Variants in TSEN2 observed in about 807,000 individuals in gnomAD.
TSEN2 encodes tRNA-splicing endonuclease subunit Sen2.
A neutral mutation model predicts 59.2 loss-of-function variants in TSEN2; 54 were observed. That is an observed-to-expected ratio of 0.91 (90% CI 0.73 to 1.14). The LOEUF (loss-of-function observed/expected upper bound fraction) is 1.14, where lower values mean the gene tolerates loss of function less well. TSEN2 is among the 50% of genes most tolerant of loss of function. The pLI, the probability that TSEN2 is intolerant of heterozygous loss-of-function variation, is 0.00. For missense variants in TSEN2, 636 were observed against 576.2 expected, an observed-to-expected ratio of 1.10 and a Z score of -1.06; for synonymous variants, 195 against 198.2, an observed-to-expected ratio of 0.98 and a Z score of 0.14.
rs1559371160 is a variant in TSEN2, at chr3:12,533,003, T to C, written c.*282T>C. ...TTCCCTCATCCACTCACTGGGGAGA[T>C]TGGACTAGAGGAGTCCTGAGAGGAC... On this transcript the variant is annotated 3_prime_UTR_variant, in exon 12 of 12. Transcript: ENST00000284995. 2 of 528,594 alleles carry C rather than the reference T, an allele frequency of 3.8e-6. No individual in the cohort carries two copies. The highest frequency in any genetic ancestry group is 3.8e-5 in the African/African-American group (2 of 52,384). The allele number at this position is 528,594 out of a possible 1,614,324, so 32.7% of individuals were successfully genotyped here. A position where few individuals can be genotyped will look rare whatever the true frequency, so the allele number is the denominator to read the frequency against.
intron 3 of TSEN2, among the ~76,000 whole-genome samples, chr3:12,493,390 C>G (rs1282157765): frequency 1.3e-5 from 2 of 152,142 alleles, no homozygotes; most frequent in African/African-American, 4.8e-5. Context: ...CAGCAATGCA[C>G]CAAAGGTTCC....
At chr3:12,485,957 A>G (rs2052572692) in intron 1 of TSEN2, among the ~76,000 whole-genome samples, 1 of 151,930 alleles carries the variant, frequency 6.6e-6, no homozygotes, top group Non-Finnish European at 1.5e-5. Flanking sequence ...AAAAATATAT[A>G]TATATAACAA....
chr3:12,535,242 A>G (rs2057647538), downstream of TSEN2, among the ~76,000 whole-genome samples: 1 of 152,188 alleles, frequency 6.6e-6, no homozygotes, highest in Admixed American at 6.5e-5. Context: ...AATTTTTAAA[A>G]TCTCATTACA....
chr3:12,516,623 G>A lies in TSEN2; in HGVS notation c.922G>A (p.Val308Ile). The change falls in exon 7 of 12, where the codon GTC (valine) becomes ATC (isoleucine). Residue 308 changes from valine (V) to isoleucine (I), a missense_variant. Physicochemically the swap from Val to Ile is conservative, Grantham distance 29. Transcript: ENST00000284995. Reference sequence around the variant, plus strand: ...GCTGTATTTTCAGGCCTTTTTCTTGGTCTATGCTCTGGGATGTTTAAGTAT... The same window carrying A: ...GCTGTATTTTCAGGCCTTTTTCTTGATCTATGCTCTGGGATGTTTAAGTAT... The part of the protein sequence containing the change: ...QLSLEEAFFL[V>I]YALGCLSIYY... The A allele has an allele frequency of 6.2e-7, 1 of 1,613,822 alleles. No individual in the cohort carries two copies. Among genetic ancestry groups the A allele is most frequent in the Non-Finnish European group, 8.5e-7 (1 of 1,179,988 alleles).
rs765616873 is a variant in TSEN2, at chr3:12,503,348, A to C, written c.395A>C (p.Tyr132Ser). 32 of 1,614,142 alleles carry C rather than the reference A, an allele frequency of 2.0e-5. No homozygotes were observed. Among genetic ancestry groups the C allele is most frequent in the Non-Finnish European group, 4.2e-6 (5 of 1,180,052 alleles). Residue 132 changes from tyrosine to serine, a missense_variant, in exon 5 of 12, where the codon TAC becomes TCC. Transcript: ENST00000284995. ...ACAGTGCGCAGAATCCTCAAGGATT[A>C]CACGAAACCGCTTGAGCATCCTCCT... is the stretch of plus-strand genomic sequence containing the variant. Reference protein sequence around the residue: ...ESTVRRILKDYTKPLEHPPVK... With the variant: ...ESTVRRILKDSTKPLEHPPVK...
chr3:12,513,595 T>C (rs906252016), intron 6 of TSEN2, among the ~76,000 whole-genome samples: 2 of 152,232 alleles, frequency 1.3e-5, no homozygotes, highest in African/African-American at 4.8e-5. Flanking sequence ...TAGCTAACAA[T>C]GACAATTTGA....
intron 3 of TSEN2, among the ~76,000 whole-genome samples, 161 bp from the exon 4 acceptor site, chr3:12,496,357 G>A (rs1303056490): frequency 6.6e-6 from 1 of 152,228 alleles, no homozygotes; most frequent in African/African-American, 2.4e-5. Flanking sequence ...GTTCAGGGAA[G>A]GACGGCATAG....
At chr3:12,529,741 T>G in intron 9 of TSEN2, 21 bp from the exon 10 acceptor site, 1 of 1,607,914 alleles carries the variant, frequency 6.2e-7, no homozygotes, top group Non-Finnish European at 8.5e-7. Context: ...ACTTTTAACA[T>G]GCTTTTTCTG....
At position 12,489,906 on chromosome 3, in the gene TSEN2, GAATT is replaced by G. The variant is rs1238818833; in HGVS notation, c.107_110del (p.Glu36AlafsTer8). The G allele has an allele frequency of 1.2e-6, 2 of 1,614,024 alleles. No homozygotes were observed. Among genetic ancestry groups the G allele is most frequent in the Non-Finnish European group, 1.7e-6 (2 of 1,180,028 alleles). ...TGGTCAGGACCATGGTCCTCTGAAA[GAATT>G]CAAGATATTCCGTGCTGAAATGATT... On this transcript the variant is annotated frameshift_variant, in exon 2 of 12. Transcript: ENST00000284995. LOFTEE classifies it high-confidence loss of function.
At chr3:12,530,172 G>A in intron 10 of TSEN2, 1 of 1,236,018 alleles carries the variant, frequency 8.1e-7, no homozygotes. Context: ...CTTCCCAGGG[G>A]TATCGTTGCT....
chr3:12,517,949 C>A (rs540687913), intron 7 of TSEN2, among the ~76,000 whole-genome samples: 17 of 151,410 alleles, frequency 1.1e-4, no homozygotes, highest in Non-Finnish European at 1.9e-4. Context: ...AAAAAAAAAA[C>A]AACTCTAGTC....
chr3:12,508,669 A>G (rs919207258), intron 6 of TSEN2, among the ~76,000 whole-genome samples: 1 of 152,150 alleles, frequency 6.6e-6, no homozygotes, highest in Admixed American at 6.5e-5. Context: ...GGGTGTTTTC[A>G]TGCCTTTGCC....
At chr3:12,530,003 G>A (rs2057361423) in intron 10 of TSEN2, 130 bp downstream of exon 10, 2 of 1,494,380 alleles carry the variant, frequency 1.3e-6, no homozygotes. Context: ...TGACATGCTG[G>A]AAGATTTGGG....
At chr3:12,488,973 T>A (rs2052932736) in intron 1 of TSEN2, among the ~76,000 whole-genome samples, 1 of 152,266 alleles carries the variant, frequency 6.6e-6, no homozygotes, top group Admixed American at 6.5e-5. Context: ...ATACTAATTA[T>A]AGCTGATACA....
exon 11 of TSEN2, chr3:12,539,579 A>G (rs1424336635): frequency 6.3e-6 from 1 of 159,884 alleles, no homozygotes; most frequent in Admixed American, 5.8e-5. Context: ...ATTAATTTAT[A>G]GGAATAATTT....
downstream of TSEN2, among the ~76,000 whole-genome samples, chr3:12,537,506 C>T (rs2057700847): frequency 6.6e-6 from 1 of 152,106 alleles, no homozygotes; most frequent in African/African-American, 2.4e-5. Flanking sequence ...TATTGTTTAC[C>T]TCCTTTCCAT....
At chr3:12,532,524 T>C (rs1257396176) in intron 11 of TSEN2, 138 bp from the exon 12 acceptor site, 1 of 769,350 alleles carries the variant, frequency 1.3e-6, no homozygotes. Context: ...TCTCCAGATG[T>C]TTCTGTTCTA....
chr3:12,482,963 A>G (rs1416212860), upstream of TSEN2, among the ~76,000 whole-genome samples: 1 of 152,106 alleles, frequency 6.6e-6, no homozygotes, highest in African/African-American at 2.4e-5. Flanking sequence ...AAGCTCTTTG[A>G]TTTTGGTTTA....
rs538317623 is a variant in TSEN2 at position 12,498,431 on chromosome 3, T to A, written c.308+1877T>A. 2.6e-5 allele frequency among the ~76,000 whole-genome samples: 4 copies of A among 152,350 alleles called. No individual in the cohort carries two copies. In the South Asian group the frequency reaches 8.3e-4, roughly 32 times the overall value. On this transcript the variant is annotated intron_variant, in intron 4 of 11. Coordinates refer to ENST00000284995, the MANE Select transcript of TSEN2 (RefSeq NM_025265.4). ...GCTCTTGATATACTTTATTGTGTTA[T>A]CACCTTAGTTGATTTTTTCCTTCAA...
Sources: gnomAD v4.1 joint callset for allele counts (sites outside exome capture counted in the v4.1 genomes callset) on GRCh38, gnomAD v4.1.1 for gene constraint, MANE v1.5 for transcripts, NCBI Gene and HGNC (gene_info 2026-07-23, HGNC 2026-07-21) for gene names.